The following CYP39A1 variants were observed in gnomAD, a reference collection of about 807,000 sequenced individuals.
CYP39A1 encodes the protein 24-hydroxycholesterol 7-alpha-hydroxylase.
CYP39A1 carries 49 observed loss-of-function variants against 58.1 expected under a neutral mutation model. The ratio of observed to expected loss-of-function variants is 0.84; its 90% confidence interval spans 0.67 to 1.07. The LOEUF (loss-of-function observed/expected upper bound fraction) is 1.07. Ranked by LOEUF, CYP39A1 falls within the 50% of genes least tolerant of loss-of-function variation. CYP39A1 has a pLI of 0.00. For missense variants in CYP39A1, 531 were observed against 539.4 expected (o/e 0.98, Z 0.16); for synonymous variants, 209 against 187.6 (o/e 1.11, Z -0.93).
chr6:46,609,642 G>A (rs1322338058), intron 7 of CYP39A1, among the ~76,000 whole-genome samples: 1 of 152,124 alleles, frequency 6.6e-6, no homozygotes, highest in African/African-American at 2.4e-5. Flanking sequence ...AAGCTCCAGA[G>A]CTGAGGACAC....
chr6:46,617,879 G>A (rs566268401), intron 7 of CYP39A1, among the ~76,000 whole-genome samples: 2 of 152,260 alleles, frequency 1.3e-5, no homozygotes, highest in Admixed American at 6.5e-5. Context: ...CTCCTATCTT[G>A]TAGGGCAATA....
Position 46,575,648 on chromosome 6 carries a change from C to A in CYP39A1, c.1250+11429G>T, listed in dbSNP as rs114192532. On this transcript the variant is annotated intron_variant, in intron 10 of 11. Coordinates refer to ENST00000275016, the MANE Select transcript of CYP39A1 (RefSeq NM_016593.5). ...ACACAGGGGCCCACCACTGCCCTGC[C>A]AGAGCACTTTTGCCAGAAGCTCCAG... is the stretch of plus-strand genomic sequence containing the variant. 3.8e-3 allele frequency among the ~76,000 whole-genome samples: 581 copies of A among 152,334 alleles called. 3 individuals carry two copies. The highest frequency in any genetic ancestry group is 0.013 in the African/African-American group (558 of 41,582).
intron 9 of CYP39A1, among the ~76,000 whole-genome samples, chr6:46,587,611 T>G (rs1772550100): frequency 6.6e-6 from 1 of 152,208 alleles, no homozygotes; most frequent in Non-Finnish European, 1.5e-5. Flanking sequence ...AAATGACCTC[T>G]TAACATTCTG....
intron 11 of CYP39A1, 46 bp downstream of exon 11, chr6:46,553,721 C>T: frequency 1.1e-5 from 14 of 1,312,548 alleles, no homozygotes; most frequent in Non-Finnish European, 1.5e-5. Context: ...GTGGTTATGT[C>T]ATATTTATAA....
chr6:46,563,601 AT>A, intron 10 of CYP39A1, among the ~76,000 whole-genome samples: 1 of 152,292 alleles, frequency 6.6e-6, no homozygotes, highest in East Asian at 1.9e-4. Context: ...TAATATATAG[AT>A]GAAGGTAGAA....
At position 46,596,070 on chromosome 6, in the gene CYP39A1, T is replaced by G; in HGVS notation, c.982A>C (p.Ile328Leu). ...ATGGTTTCCAAAACACACCATTTAA[T>G]TAGAAGGAGATTCTCCAGGTCATCC... The part of the protein sequence containing the change: ...SEDDLENLLL[I>L]KWCVLETIRL... Residue 328 changes from isoleucine to leucine, a missense_variant, in exon 8 of 12, where the codon ATT (isoleucine) becomes CTT (leucine). By Grantham distance (5) the Ile-to-Leu change is conservative. Transcript: ENST00000275016. The G allele has an allele frequency of 6.2e-7, 1 of 1,611,524 alleles. No homozygotes were observed. The highest frequency in any genetic ancestry group is 8.5e-7 in the Non-Finnish European group (1 of 1,178,522).
chr6:46,577,799 T>C (rs996306163), intron 10 of CYP39A1, among the ~76,000 whole-genome samples: 4 of 152,050 alleles, frequency 2.6e-5, no homozygotes, highest in African/African-American at 9.7e-5. Context: ...TAGAGGCTTA[T>C]ATTGATACTT....
chr6:46,608,274 A>G (rs1170197929), intron 7 of CYP39A1, among the ~76,000 whole-genome samples: 1 of 152,204 alleles, frequency 6.6e-6, no homozygotes, highest in Non-Finnish European at 1.5e-5. Flanking sequence ...CTGTGAGAAA[A>G]TAAGGGCAGA....
chr6:46,632,712 T>C (rs1391992023), intron 5 of CYP39A1, among the ~76,000 whole-genome samples: 1 of 152,114 alleles, frequency 6.6e-6, no homozygotes, highest in Non-Finnish European at 1.5e-5. Context: ...ACAATAAAGT[T>C]AGGGAATTTT....
intron 10 of CYP39A1, among the ~76,000 whole-genome samples, chr6:46,573,893 T>A (rs2150496673): frequency 6.6e-6 from 1 of 152,350 alleles, no homozygotes; most frequent in South Asian, 2.1e-4. Flanking sequence ...GAAGTGCTAA[T>A]ACAAGATTTC....
chr6:46,584,839 A>G (rs1343232350), intron 10 of CYP39A1, among the ~76,000 whole-genome samples: 1 of 152,128 alleles, frequency 6.6e-6, no homozygotes, highest in Non-Finnish European at 1.5e-5. Flanking sequence ...TCTTGACCAG[A>G]CATATCCTTT....
At chr6:46,611,250 T>G (rs969576872) in intron 7 of CYP39A1, among the ~76,000 whole-genome samples, 3 of 152,254 alleles carry the variant, frequency 2.0e-5, no homozygotes, top group Admixed American at 2.0e-4. Flanking sequence ...ATATTCCTAT[T>G]GAAAAATTAC....
intron 2 of CYP39A1, among the ~76,000 whole-genome samples, chr6:46,640,974 A>C (rs1216632114): frequency 6.6e-6 from 1 of 152,126 alleles, no homozygotes; most frequent in Non-Finnish European, 1.5e-5. Flanking sequence ...TATGTATACT[A>C]TGCTACTATA....
chr6:46,584,007 G>A (rs748603982), intron 10 of CYP39A1, among the ~76,000 whole-genome samples: 1 of 152,090 alleles, frequency 6.6e-6, no homozygotes, highest in African/African-American at 2.4e-5. Flanking sequence ...AATCAAGAAC[G>A]AGTGCAATTT....
intron 7 of CYP39A1, among the ~76,000 whole-genome samples, chr6:46,601,987 A>G (rs1042719841): frequency 1.3e-5 from 2 of 152,076 alleles, no homozygotes; most frequent in African/African-American, 4.8e-5. Context: ...TATTTCCCTT[A>G]TAGTTCCTAT....
intron 7 of CYP39A1, among the ~76,000 whole-genome samples, chr6:46,596,984 C>T (rs1028700619): frequency 6.6e-6 from 1 of 152,086 alleles, no homozygotes; most frequent in Non-Finnish European, 1.5e-5. Context: ...CATTTGCTTT[C>T]AGACCATCTT....
chr6:46,600,666 G>A lies in CYP39A1; in HGVS notation c.932-4546C>T, dbSNP rs114618571. 5.5e-3 allele frequency among the ~76,000 whole-genome samples: 830 copies of A among 152,238 alleles called. 9 individuals carry two copies. Among genetic ancestry groups the A allele is most frequent in the African/African-American group, 0.019 (797 of 41,538 alleles). Reference sequence around the variant, plus strand: ...CAATAAAGGGGTTCAAAGAGCTTCTGGGTTGGTGAACACATGCATGTGCCG... The same window carrying A: ...CAATAAAGGGGTTCAAAGAGCTTCTAGGTTGGTGAACACATGCATGTGCCG... On this transcript the variant is annotated intron_variant, in intron 7 of 11. Coordinates refer to ENST00000275016, the MANE Select transcript of CYP39A1 (RefSeq NM_016593.5).
At chr6:46,613,885 T>C (rs1273025532) in intron 7 of CYP39A1, among the ~76,000 whole-genome samples, 1 of 148,544 alleles carries the variant, frequency 6.7e-6, no homozygotes, top group Non-Finnish European at 1.5e-5. Context: ...ATTAATCTTT[T>C]ACAATCTGGT....
chr6:46,650,067 C>T (rs115024260), intron 1 of CYP39A1, among the ~76,000 whole-genome samples: 2,475 of 151,494 alleles, frequency 0.016, 40 homozygotes, highest in Non-Finnish European at 0.026. Context: ...CAGAATGGAC[C>T]CCCACCCAAG....
Sources: gnomAD v4.1 joint callset for allele counts (sites outside exome capture counted in the v4.1 genomes callset) on GRCh38, gnomAD v4.1.1 for gene constraint, MANE v1.5 for transcripts, NCBI Gene and HGNC (gene_info 2026-07-23, HGNC 2026-07-21) for gene names.